ROR1: variants seen among roughly 807,000 people sequenced by gnomAD.
The protein encoded by ROR1 is ROR family WNT receptor 1, also known as inactive tyrosine-protein kinase transmembrane receptor ROR1.
In ROR1, 19 loss-of-function variants were observed where a neutral mutation model predicts 78.8. The observed-to-expected ratio is 0.24, with a 90% confidence interval of 0.17 to 0.35. The LOEUF is 0.35. Among genes scored for constraint, ROR1 ranks in the 10% least tolerant of loss-of-function variants. ROR1 has a pLI of 1.00. For synonymous variants in ROR1, 386 were observed against 433.6 expected (o/e 0.89, Z 1.36); for missense variants, 917 against 1,177.8 (o/e 0.78, Z 3.24).
intron 7 of ROR1, 94 bp from the exon 8 acceptor site, chr1:64,158,882 AAGAAT>A: frequency 2.3e-6 from 2 of 854,370 alleles, no homozygotes; most frequent in Non-Finnish European, 1.9e-6. Context: ...GTGTGTATAA[AAGAAT>A]AGAAGAGGTG....
chr1:63,811,991 C>T (rs544298507), intron 1 of ROR1, among the ~76,000 whole-genome samples: 155 of 143,448 alleles, frequency 1.1e-3, no homozygotes, highest in Admixed American at 2.1e-3. Context: ...GACAGAGTCT[C>T]GCCCTGTCTC....
At chr1:63,991,303 A>G (rs1276476129) in intron 1 of ROR1, among the ~76,000 whole-genome samples, 1 of 152,202 alleles carries the variant, frequency 6.6e-6, no homozygotes, top group East Asian at 1.9e-4. Context: ...ATGGACATAC[A>G]TGAGCTTTAT....
At chr1:63,899,214 A>T (rs1237928772) in intron 1 of ROR1, among the ~76,000 whole-genome samples, 1 of 152,026 alleles carries the variant, frequency 6.6e-6, no homozygotes, top group Admixed American at 6.6e-5. Context: ...TAACTCACTG[A>T]GTTTCTCCAC....
intron 2 of ROR1, among the ~76,000 whole-genome samples, chr1:64,012,882 A>C (rs1646488676): frequency 6.6e-6 from 1 of 152,206 alleles, no homozygotes; most frequent in South Asian, 2.1e-4. Flanking sequence ...AAGTTTATCA[A>C]ATGGTCTTAA....
At chr1:63,934,346 A>G (rs1405138640) in intron 1 of ROR1, among the ~76,000 whole-genome samples, 1 of 152,188 alleles carries the variant, frequency 6.6e-6, no homozygotes, top group Non-Finnish European at 1.5e-5. Context: ...ATTAAGGCTC[A>G]GTTTGCTCAT....
chr1:63,875,068 G>A (rs1001328686), intron 1 of ROR1, among the ~76,000 whole-genome samples: 1 of 152,116 alleles, frequency 6.6e-6, no homozygotes, highest in African/African-American at 2.4e-5. Context: ...ATAGAGAACA[G>A]CCTGAAGCCG....
At chr1:63,788,880 G>T (rs1644707814) in intron 1 of ROR1, 3 of 875,300 alleles carry the variant, frequency 3.4e-6, no homozygotes, top group Non-Finnish European at 5.5e-6. Context: ...TCAGCTTGTG[G>T]ATGTGTTCCA....
chr1:64,050,023 T>A, intron 3 of ROR1, 45 bp downstream of exon 3: 3 of 1,597,318 alleles, frequency 1.9e-6, no homozygotes, highest in Non-Finnish European at 2.6e-6. Context: ...CTCAGCCCAA[T>A]GTGGTAGGAT....
intron 1 of ROR1, among the ~76,000 whole-genome samples, chr1:63,787,325 A>G (rs1255203845): frequency 6.6e-6 from 1 of 152,166 alleles, no homozygotes; most frequent in Non-Finnish European, 1.5e-5. Flanking sequence ...CACCTTTGCA[A>G]TAATTGTCAC....
chr1:64,038,748 A>C (rs111824502), intron 2 of ROR1, among the ~76,000 whole-genome samples: 1 of 152,042 alleles, frequency 6.6e-6, no homozygotes, highest in Non-Finnish European at 1.5e-5. Context: ...TTGTTTATCT[A>C]TTTATAATAG....
rs576131760 is a variant in ROR1 at position 63,839,166 on chromosome 1, T to C, written c.91+64658T>C. On this transcript the variant is annotated intron_variant, in intron 1 of 8. Coordinates refer to ENST00000371079, the MANE Select transcript of ROR1 (RefSeq NM_005012.4). ...GTTACTTGTACCCTCTGTTTAGGGC[T>C]TCAAAAGTCAGATCTGTCCATCTAA... is the stretch of plus-strand genomic sequence containing the variant. 2.5e-3 allele frequency among the ~76,000 whole-genome samples: 375 copies of C among 152,332 alleles called. 2 individuals carry two copies. The highest frequency in any genetic ancestry group is 8.7e-3 in the African/African-American group (360 of 41,572).
intron 4 of ROR1, among the ~76,000 whole-genome samples, chr1:64,125,880 TATG>T (rs561010033): frequency 1.3e-5 from 2 of 152,204 alleles, no homozygotes; most frequent in Non-Finnish European, 2.9e-5. Context: ...AACCAAGTTA[TATG>T]TACTAGACTC....
At position 64,181,098 on chromosome 1, in the gene ROR1, A is replaced by T. The variant is rs1375841880; in HGVS notation, c.*2243A>T. 6.6e-6 allele frequency: 1 copy of T among 152,114 alleles called. No individual in the cohort carries two copies. The highest frequency in any genetic ancestry group is 2.4e-5 in the African/African-American group (1 of 41,454). 9.4% of individuals were successfully genotyped at this position (152,114 alleles called of 1,614,324 possible). Reference sequence around the variant, plus strand: ...TCCTTTGTTGACAATGTTTTGTAAGATGACTTTATTTTCAGATCTTTTTCT... The same window carrying T: ...TCCTTTGTTGACAATGTTTTGTAAGTTGACTTTATTTTCAGATCTTTTTCT... On this transcript the variant is annotated 3_prime_UTR_variant, in exon 9 of 9. Coordinates refer to ENST00000371079, the MANE Select transcript of ROR1 (RefSeq NM_005012.4).
chr1:63,916,188 G>T (rs986304656), intron 1 of ROR1, among the ~76,000 whole-genome samples: 5 of 152,180 alleles, frequency 3.3e-5, no homozygotes, highest in African/African-American at 1.2e-4. Context: ...GCAGATTTTT[G>T]TAAGTTTCCT....
intron 1 of ROR1, among the ~76,000 whole-genome samples, chr1:63,975,306 G>A (rs564432731): frequency 2.6e-5 from 4 of 152,290 alleles, no homozygotes; most frequent in African/African-American, 4.8e-5. Context: ...ACTATAGTTC[G>A]ATGGTACGAT....
At chr1:64,155,142 C>T (rs910589905) in intron 7 of ROR1, among the ~76,000 whole-genome samples, 8 of 152,030 alleles carry the variant, frequency 5.3e-5, no homozygotes, top group Non-Finnish European at 7.4e-5. Context: ...TTTCCTTTCT[C>T]GGTCTTAATT....
chr1:64,038,845 C>A (rs1377101528), intron 2 of ROR1, among the ~76,000 whole-genome samples: 1 of 152,158 alleles, frequency 6.6e-6, no homozygotes, highest in African/African-American at 2.4e-5. Context: ...GTTTAAGGAG[C>A]CACAGCAAAT....
At chr1:63,829,848 T>C (rs946969989) in intron 1 of ROR1, among the ~76,000 whole-genome samples, 40 of 152,136 alleles carry the variant, frequency 2.6e-4, no homozygotes, top group African/African-American at 9.7e-4. Context: ...AGTCATTTTA[T>C]GGAGTAAGAC....
chr1:63,997,735 AT>A (rs200664024), intron 1 of ROR1, among the ~76,000 whole-genome samples: 1 of 151,720 alleles, frequency 6.6e-6, no homozygotes. Flanking sequence ...AAAAATCATT[AT>A]TTTTTTTAAC....
Sources: gnomAD v4.1 joint callset for allele counts (sites outside exome capture counted in the v4.1 genomes callset) on GRCh38, gnomAD v4.1.1 for gene constraint, MANE v1.5 for transcripts, NCBI Gene and HGNC (gene_info 2026-07-23, HGNC 2026-07-21) for gene names.